The following SPRY1 variants were observed in gnomAD, a reference collection of about 807,000 sequenced individuals.
SPRY1 encodes the protein sprouty RTK signaling antagonist 1.
Under a neutral mutation model 22.6 loss-of-function variants are expected in SPRY1, and 20 were observed. The observed-to-expected ratio is 0.89, with a 90% CI of 0.62 to 1.29. SPRY1 has a LOEUF of 1.29. Among genes scored for constraint, SPRY1 ranks in the 50% most tolerant of loss-of-function variants. SPRY1 has a pLI of 0.00. For synonymous variants in SPRY1, 155 were observed against 144.7 expected (o/e 1.07, Z -0.51); for missense variants, 446 against 387.7 (o/e 1.15, Z -1.26).
At position 123,402,203 on chromosome 4, in the gene SPRY1, T is replaced by C. The variant is rs1022415865; in HGVS notation, c.612T>C (p.Cys204=). Residue 204 remains cysteine, a synonymous_variant, in exon 3 of 3, where the codon TGT becomes TGC. Transcript: ENST00000651917. ...GGACCCTACCATCCTGTTTGGCCTG[T>C]AACCGGCAGTGCCTTTGCTCTGCTG... ...APRTLPSCLA[C]NRQCLCSAES... The C allele has an allele frequency of 1.2e-6, 2 of 1,614,252 alleles. No individual in the cohort carries two copies. Among genetic ancestry groups the C allele is most frequent in the South Asian group, 2.2e-5 (2 of 91,090 alleles).
chr4:123,402,791 G>A lies in SPRY1; in HGVS notation c.*240G>A, dbSNP rs1167099001. On this transcript the variant is annotated 3_prime_UTR_variant, in exon 3 of 3. Coordinates refer to ENST00000651917, the MANE Select transcript of SPRY1 (RefSeq NM_001258038.2). ...CAAGAGCCTCTGCCATCCACTTGAG[G>A]GTATTGAGAGCCAGTGGGCTTTTGT... 3.5e-6 allele frequency: 2 copies of A among 569,456 alleles called. No individual in the cohort carries two copies. The highest frequency in any genetic ancestry group is 3.1e-6 in the Non-Finnish European group (1 of 321,322). 35.3% of individuals were successfully genotyped at this position (569,456 alleles called of 1,614,324 possible). A position where few individuals can be genotyped will look rare whatever the true frequency, so the allele number is the denominator to read the frequency against.
Position 123,397,718 on chromosome 4 carries a change from C to A in SPRY1, c.-194C>A, listed in dbSNP as rs1215733655. On this transcript the variant is annotated 5_prime_UTR_variant, in exon 2 of 3. Coordinates refer to ENST00000651917, the MANE Select transcript of SPRY1 (RefSeq NM_001258038.2). ...CCCGGGGACGCTGTGCCCCCACTTGCCCAACGTGCGGAATCGGCTAAGCGC... is the reference window on the plus strand; with the variant it reads ...CCCGGGGACGCTGTGCCCCCACTTGACCAACGTGCGGAATCGGCTAAGCGC... 1.3e-5 allele frequency: 2 copies of A among 152,158 alleles called. No individual in the cohort carries two copies. Among genetic ancestry groups the A allele is most frequent in the East Asian group, 3.9e-4 (2 of 5,144 alleles). The allele number at this position is 152,158 out of a possible 1,614,324, so 9.4% of individuals were successfully genotyped here.
Position 123,402,076 on chromosome 4 carries a change from T to C in SPRY1, c.485T>C (p.Ile162Thr). 5.6e-6 allele frequency: 9 copies of C among 1,614,126 alleles called. No individual in the cohort carries two copies. Among genetic ancestry groups the C allele is most frequent in the Non-Finnish European group, 6.8e-6 (8 of 1,180,022 alleles). The change falls in exon 3 of 3, where the codon ATT (isoleucine) becomes ACT (threonine). Residue 162 changes from isoleucine (I) to threonine (T), a missense_variant. Ile to Thr is a moderately conservative substitution (Grantham distance 89). Transcript: ENST00000651917. ...ATCCGGACCCAGCCCAAGCAACTGA[T>C]TGTGGATGACTTGAAGGGTTCCTTG... ...RAIRTQPKQL[I>T]VDDLKGSLKE... is the part of the protein sequence containing the mutation.
At position 123,402,186 on chromosome 4, in the gene SPRY1, C is replaced by T; in HGVS notation, c.595C>T (p.Pro199Ser). Residue 199 changes from proline (P) to serine (S), a missense_variant, in exon 3 of 3, where the codon CCA becomes TCA. Pro to Ser is a moderately conservative substitution (Grantham distance 74). Transcript: ENST00000651917. ...AGAATGCACTGCTCCCAGGACCCTA[C>T]CATCCTGTTTGGCCTGTAACCGGCA... ...CGECTAPRTL[P>S]SCLACNRQCL... 1 of 1,614,212 alleles carries T rather than the reference C, an allele frequency of 6.2e-7. No homozygotes were observed.
At chr4:123,400,655 C>G (rs1360974047) in intron 2 of SPRY1, among the ~76,000 whole-genome samples, 1 of 152,170 alleles carries the variant, frequency 6.6e-6, no homozygotes. Flanking sequence ...AAATCAAGGT[C>G]TGTCATGTAA....
Position 123,402,618 on chromosome 4 carries a change from TTTTG to T in SPRY1, c.*71_*74del. 1 of 1,521,778 alleles carries T rather than the reference TTTTG, an allele frequency of 6.6e-7. No individual in the cohort carries two copies. The highest frequency in any genetic ancestry group is 1.3e-5 in the South Asian group (1 of 74,672). 94.3% of individuals were successfully genotyped at this position (1,521,778 alleles called of 1,614,324 possible). On this transcript the variant is annotated 3_prime_UTR_variant, in exon 3 of 3. Coordinates refer to ENST00000651917, the MANE Select transcript of SPRY1 (RefSeq NM_001258038.2). The stretch of plus-strand genomic sequence containing the variant: ...AGTTGTGGCTGTTTTTTGTTTTTGT[TTTTG>T]TTTTTGTTTTCTTTAGAATTTTTCC...
rs1209672610 is a variant in SPRY1 at position 123,397,596 on chromosome 4, A to C, written c.-301-15A>C. 4 of 151,980 alleles carry C rather than the reference A, an allele frequency of 2.6e-5. No homozygotes were observed. Among genetic ancestry groups the C allele is most frequent in the African/African-American group, 9.7e-5 (4 of 41,378 alleles). The allele number at this position is 151,980 out of a possible 1,614,324, so 9.4% of individuals were successfully genotyped here. Reference sequence around the variant, plus strand: ...GGGACATTCACGAGCTTCTATCTCTAATTCTCTGTCGCAGGCATTTCGGCC... The same window carrying C: ...GGGACATTCACGAGCTTCTATCTCTCATTCTCTGTCGCAGGCATTTCGGCC... On this transcript the variant is annotated splice_polypyrimidine_tract_variant and intron_variant, in intron 1 of 2. Coordinates refer to ENST00000651917, the MANE Select transcript of SPRY1 (RefSeq NM_001258038.2).
chr4:123,397,286 A>C (rs533579610), intron 1 of SPRY1, among the ~76,000 whole-genome samples: 3 of 152,314 alleles, frequency 2.0e-5, no homozygotes, highest in South Asian at 2.1e-4. Flanking sequence ...TTGGCGACCG[A>C]ATCCCGAGTG....
chr4:123,402,023 A>G lies in SPRY1; in HGVS notation c.432A>G (p.Pro144=), dbSNP rs774777337. Residue 144 remains proline, a synonymous_variant, in exon 3 of 3, where the codon CCA becomes CCG. Transcript: ENST00000651917. The part of the protein sequence containing the change: ...GLLGRSPPTR[P]VPGHRSERAI... ...TAGGAAGGTCACCACCAACCAGACC[A>G]GTCCCTGGTCATAGGTCTGAAAGGG... The G allele has an allele frequency of 1.9e-6, 3 of 1,614,180 alleles. No individual in the cohort carries two copies. The highest frequency in any genetic ancestry group is 1.7e-5 in the Admixed American group (1 of 60,026).
In SPRY1 at chr4:123,402,827, T is replaced by A; in HGVS notation, c.*276T>A. 1.9e-6 allele frequency: 1 copy of A among 521,786 alleles called. No individual in the cohort carries two copies. The highest frequency in any genetic ancestry group is 3.4e-6 in the Non-Finnish European group (1 of 291,156). The allele number at this position is 521,786 out of a possible 1,614,324, so 32.3% of individuals were successfully genotyped here. On this transcript the variant is annotated 3_prime_UTR_variant, in exon 3 of 3. Coordinates refer to ENST00000651917, the MANE Select transcript of SPRY1 (RefSeq NM_001258038.2). ...CCAGTGGGCTTTTGTGTAGCCTTTT[T>A]GTTCTGCAAGCAACTTTCTAAAGTT...
chr4:123,400,766 TTTG>T (rs1389320489), intron 2 of SPRY1, among the ~76,000 whole-genome samples: 1 of 152,208 alleles, frequency 6.6e-6, no homozygotes, highest in African/African-American at 2.4e-5. Context: ...TAAAACTTAC[TTTG>T]TTTTGTGAGT....
At chr4:123,400,895 A>G (rs1394479862) in intron 2 of SPRY1, among the ~76,000 whole-genome samples, 1 of 152,308 alleles carries the variant, frequency 6.6e-6, no homozygotes, top group East Asian at 1.9e-4. Context: ...GCTCCAAAAC[A>G]CCAAGAATCG....
In SPRY1 at chr4:123,401,906, T is replaced by G; in HGVS notation, c.315T>G (p.Asn105Lys). The G allele has an allele frequency of 6.2e-7, 1 of 1,614,192 alleles. No homozygotes were observed. ...SHLGHAVLPSNARGPILSRST... is the reference protein window; with the variant it reads ...SHLGHAVLPSKARGPILSRST... ...TGGGACATGCAGTACTCCCAAGTAA[T>G]GCCAGGGGCCCCATTTTGAGCAGAT... Residue 105 changes from asparagine (N) to lysine (K), a missense_variant, in exon 3 of 3, where the codon AAT becomes AAG. Coordinates refer to ENST00000651917, the MANE Select transcript of SPRY1 (RefSeq NM_001258038.2).
intron 2 of SPRY1, chr4:123,398,543 C>T (rs1309698919): frequency 6.6e-6 from 1 of 152,176 alleles, no homozygotes; most frequent in African/African-American, 2.4e-5. Context: ...GCCCTCGGCC[C>T]GCTGGGCTGT....
intron 2 of SPRY1, among the ~76,000 whole-genome samples, chr4:123,401,038 AT>A (rs1393756785): frequency 3.3e-5 from 5 of 152,108 alleles, no homozygotes; most frequent in Admixed American, 2.6e-4. Context: ...TAATGCCTTA[AT>A]TTTTTTCATC....
In SPRY1 at chr4:123,402,693, G is replaced by A. The variant is rs192013147; in HGVS notation, c.*142G>A. The A allele has an allele frequency of 3.9e-5, 43 of 1,105,452 alleles. No homozygotes were observed. In the East Asian group the frequency reaches 1.0e-3, roughly 26 times the overall value. The allele number at this position is 1,105,452 out of a possible 1,614,324, so 68.5% of individuals were successfully genotyped here. ...CCCTGTTGCCAAGGTCTAACTCATG[G>A]ATTTTTCTCTTTCCTCATGGATGAT... On this transcript the variant is annotated 3_prime_UTR_variant, in exon 3 of 3. Coordinates refer to ENST00000651917, the MANE Select transcript of SPRY1 (RefSeq NM_001258038.2).
At position 123,402,820 on chromosome 4, in the gene SPRY1, G is replaced by GC. The variant is rs1725229793; in HGVS notation, c.*271dup. The GC allele has an allele frequency of 3.8e-6, 2 of 526,666 alleles. No individual in the cohort carries two copies. Among genetic ancestry groups the GC allele is most frequent in the Non-Finnish European group, 6.8e-6 (2 of 294,224 alleles). 32.6% of individuals were successfully genotyped at this position (526,666 alleles called of 1,614,324 possible). A position where few individuals can be genotyped will look rare whatever the true frequency, so the allele number is the denominator to read the frequency against. ...TTGAGAGCCAGTGGGCTTTTGTGTA[G>GC]CCTTTTTGTTCTGCAAGCAACTTTC... On this transcript the variant is annotated 3_prime_UTR_variant, in exon 3 of 3. Coordinates refer to ENST00000651917, the MANE Select transcript of SPRY1 (RefSeq NM_001258038.2).
At position 123,401,936 on chromosome 4, in the gene SPRY1, C is replaced by G; in HGVS notation, c.345C>G (p.Thr115=). The G allele has an allele frequency of 6.2e-7, 1 of 1,614,154 alleles. No homozygotes were observed. Among genetic ancestry groups the G allele is most frequent in the Non-Finnish European group, 8.5e-7 (1 of 1,180,038 alleles). The change falls in exon 3 of 3, where the codon ACC becomes ACG. Residue 115 remains threonine, a synonymous_variant. Transcript: ENST00000651917. The part of the protein sequence containing the change: ...NARGPILSRS[T]STGSAASSGS... ...GGGGCCCCATTTTGAGCAGATCAAC[C>G]AGCACTGGAAGTGCAGCCAGCTCTG...
intron 2 of SPRY1, among the ~76,000 whole-genome samples, chr4:123,399,038 C>T (rs1266508514): frequency 6.6e-6 from 1 of 152,170 alleles, no homozygotes; most frequent in African/African-American, 2.4e-5. Context: ...TGGTTTGGAG[C>T]ACAGTGCAAA....
Sources: gnomAD v4.1 joint callset for allele counts (sites outside exome capture counted in the v4.1 genomes callset) on GRCh38, gnomAD v4.1.1 for gene constraint, MANE v1.5 for transcripts, NCBI Gene and HGNC (gene_info 2026-07-23, HGNC 2026-07-21) for gene names.